Variants in TIMM9 observed in about 807,000 individuals in gnomAD.
The protein encoded by TIMM9 is mitochondrial import inner membrane translocase subunit Tim9.
TIMM9 carries 10 observed loss-of-function variants against 13.4 expected under a neutral mutation model. That is an observed-to-expected ratio of 0.75 (90% CI 0.46 to 1.26). The LOEUF is 1.26. Among genes scored for constraint, TIMM9 ranks in the 50% most tolerant of loss-of-function variants. The probability of loss-of-function intolerance (pLI) is 0.00; values close to 1 mark genes in which losing one functional copy is unlikely to be tolerated. For synonymous variants in TIMM9, 32 were observed against 32.1 expected (o/e 1.00, Z 0.01); for missense variants, 87 against 100.8 (o/e 0.86, Z 0.58).
intron 3 of TIMM9, among the ~76,000 whole-genome samples, chr14:58,415,653 C>T (rs1288630720): frequency 6.6e-6 from 1 of 152,022 alleles, no homozygotes; most frequent in Non-Finnish European, 1.5e-5. Context: ...AATTCTTCAA[C>T]CTGAATTACA....
chr14:58,410,390 C>A (rs2036177073), intron 5 of TIMM9, among the ~76,000 whole-genome samples: 1 of 151,244 alleles, frequency 6.6e-6, no homozygotes, highest in Admixed American at 6.6e-5. Context: ...TGCACTCCAG[C>A]CTGGGTAACA....
chr14:58,420,740 C>T (rs953537114), intron 3 of TIMM9, among the ~76,000 whole-genome samples: 1 of 144,590 alleles, frequency 6.9e-6, no homozygotes, highest in Non-Finnish European at 1.5e-5. Flanking sequence ...TTGCAGTGAG[C>T]CGGGATCACG....
rs573036358 is a variant in TIMM9, at chr14:58,408,905, CCAAA to C, written c.*125_*128del. 1,377 of 1,377,122 alleles carry C rather than the reference CCAAA, an allele frequency of 1.0e-3. 1 individual carries two copies. Among genetic ancestry groups the C allele is most frequent in the Non-Finnish European group, 1.3e-3 (1,320 of 1,023,798 alleles). The allele number at this position is 1,377,122 out of a possible 1,614,324, so 85.3% of individuals were successfully genotyped here. ...TTGTTTCTCCAGCGGTTTCCATTTG[CCAAA>C]CAGTCATGACAGATGGTTGAACATG... On this transcript the variant is annotated 3_prime_UTR_variant, in exon 6 of 6. Coordinates refer to ENST00000395159, the MANE Select transcript of TIMM9 (RefSeq NM_012460.4).
intron 2 of TIMM9, among the ~76,000 whole-genome samples, chr14:58,425,644 CAGATCTT>C (rs1198343846): frequency 2.0e-5 from 3 of 152,048 alleles, no homozygotes; most frequent in African/African-American, 7.2e-5. Flanking sequence ...TGCCTACACT[CAGATCTT>C]AGGTCACTGT....
rs139581360 is a variant in TIMM9 at position 58,420,308 on chromosome 14, T to C, written c.-27+3700A>G. On this transcript the variant is annotated intron_variant, in intron 3 of 5. Coordinates refer to ENST00000395159, the MANE Select transcript of TIMM9 (RefSeq NM_012460.4). ...CAGGAGGAAATATTTGCAAACTACA[T>C]AACTGACAAAGAACTAATAAGCAGA... Among the ~76,000 whole-genome samples, 523 of 152,112 alleles carry C rather than the reference T, an allele frequency of 3.4e-3. 3 individuals carry two copies. The highest frequency in any genetic ancestry group is 0.01 in the Middle Eastern group (3 of 294).
At chr14:58,425,989 C>T (rs1162782472) in intron 2 of TIMM9, among the ~76,000 whole-genome samples, 3 of 150,288 alleles carry the variant, frequency 2.0e-5, no homozygotes, top group Non-Finnish European at 3.0e-5. Flanking sequence ...TGGTGGCGGG[C>T]GCCTGTAATC....
intron 3 of TIMM9, among the ~76,000 whole-genome samples, chr14:58,412,482 C>T (rs2140316812): frequency 6.6e-6 from 1 of 152,286 alleles, no homozygotes; most frequent in African/African-American, 2.4e-5. Context: ...CTCAAAGGCC[C>T]TGTCTATCAA....
chr14:58,423,966 C>T (rs1258933437), intron 3 of TIMM9, 42 bp downstream of exon 3: 1 of 152,146 alleles, frequency 6.6e-6, no homozygotes, highest in Non-Finnish European at 1.5e-5. Flanking sequence ...AACCAGGGAA[C>T]TTAAGAATAA....
intron 3 of TIMM9, among the ~76,000 whole-genome samples, chr14:58,420,926 T>C (rs1397607382): frequency 1.3e-5 from 2 of 152,008 alleles, no homozygotes; most frequent in Non-Finnish European, 1.5e-5. Flanking sequence ...ATCACTTACA[T>C]ATTCCTGTTG....
Position 58,408,581 on chromosome 14 carries a change from G to C in TIMM9, c.*453C>G. ...GACTGCTTGGAGGATGATCCTGATTGAAAAACATTTCAACGTATCCACAGT... is the reference window on the plus strand; with the variant it reads ...GACTGCTTGGAGGATGATCCTGATTCAAAAACATTTCAACGTATCCACAGT... On this transcript the variant is annotated 3_prime_UTR_variant, in exon 6 of 6. Coordinates refer to ENST00000395159, the MANE Select transcript of TIMM9 (RefSeq NM_012460.4). 6.2e-7 allele frequency: 1 copy of C among 1,613,852 alleles called. No individual in the cohort carries two copies. Among genetic ancestry groups the C allele is most frequent in the Non-Finnish European group, 8.5e-7 (1 of 1,179,872 alleles).
rs1010906134 is a variant in TIMM9 at position 58,412,901 on chromosome 14, AAAT to A, written c.-26-933_-26-931del. On this transcript the variant is annotated intron_variant, in intron 3 of 5. Transcript: ENST00000395159. ...GGGTGACAAAGTGAGACTCCATCTC[AAAT>A]AATAATAATAATAATGATAATAAAA... is the stretch of plus-strand genomic sequence containing the variant. Among the ~76,000 whole-genome samples the A allele has an allele frequency of 1.1e-4, 17 of 151,872 alleles. No homozygotes were observed. In the East Asian group the frequency reaches 1.5e-3, roughly 14 times the overall value.
Position 58,410,823 on chromosome 14 carries a change from G to T in TIMM9, c.135+20C>A. On this transcript the variant is annotated intron_variant, in intron 5 of 5. Coordinates refer to ENST00000395159, the MANE Select transcript of TIMM9 (RefSeq NM_012460.4). ...GTTTATGAAGGCTTGTAGAATTTTA[G>T]TGAGTAACACTTTTCATACCTCTTC... 5 of 1,552,686 alleles carry T rather than the reference G, an allele frequency of 3.2e-6. No homozygotes were observed. The highest frequency in any genetic ancestry group is 2.2e-5 in the East Asian group (1 of 44,528).
intron 3 of TIMM9, among the ~76,000 whole-genome samples, chr14:58,420,552 G>A (rs189328437): frequency 5.3e-5 from 8 of 152,228 alleles, no homozygotes; most frequent in Admixed American, 3.9e-4. Flanking sequence ...CAGCACTTTC[G>A]GAGGCTGAGG....
chr14:58,410,195 C>T (rs369330748), intron 5 of TIMM9, among the ~76,000 whole-genome samples: 7 of 152,036 alleles, frequency 4.6e-5, no homozygotes, highest in East Asian at 1.9e-4. Flanking sequence ...CCTCAGCTCC[C>T]GAGTAGCTGG....
Position 58,415,442 on chromosome 14 carries a change from T to TAA in TIMM9, c.-26-3473_-26-3472dup, listed in dbSNP as rs139914804. 5.6e-4 allele frequency among the ~76,000 whole-genome samples: 85 copies of TAA among 152,264 alleles called. 2 individuals carry two copies. The East Asian group carries it at 0.016, about 29-fold the overall frequency. On this transcript the variant is annotated intron_variant, in intron 3 of 5. Coordinates refer to ENST00000395159, the MANE Select transcript of TIMM9 (RefSeq NM_012460.4). The stretch of plus-strand genomic sequence containing the variant: ...ACAAAGATTTTTAAATAGCACCTTG[T>TAA]AAATACTTCAGTGAGCAATTATGAA...
In TIMM9 at chr14:58,410,840, T is replaced by C; in HGVS notation, c.135+3A>G. 3 of 1,601,686 alleles carry C rather than the reference T, an allele frequency of 1.9e-6. No individual in the cohort carries two copies. The highest frequency in any genetic ancestry group is 2.6e-6 in the Non-Finnish European group (3 of 1,174,622). On this transcript the variant is annotated splice_donor_region_variant and intron_variant, in intron 5 of 5. Transcript: ENST00000395159. ...GAATTTTAGTGAGTAACACTTTTCA[T>C]ACCTCTTCAGGTTTTACTTCTCTTG...
intron 3 of TIMM9, among the ~76,000 whole-genome samples, chr14:58,422,381 G>A (rs1375666258): frequency 1.3e-5 from 2 of 152,154 alleles, no homozygotes; most frequent in African/African-American, 2.4e-5. Flanking sequence ...CTCCCAAAGT[G>A]CTGGGATTAC....
At chr14:58,424,240 G>A (rs1045523146) in intron 2 of TIMM9, 145 bp from the exon 3 acceptor site, 4 of 151,846 alleles carry the variant, frequency 2.6e-5, no homozygotes, top group Non-Finnish European at 4.4e-5. Flanking sequence ...TCTATTCTGA[G>A]GTTACAATTC....
chr14:58,409,632 G>A (rs948493139), intron 5 of TIMM9, among the ~76,000 whole-genome samples: 1 of 152,138 alleles, frequency 6.6e-6, no homozygotes, highest in African/African-American at 2.4e-5. Flanking sequence ...AGGCTTGAGT[G>A]CAGTGGCGTG....
Sources: allele counts gnomAD v4.1 joint callset (sites outside exome capture counted in the v4.1 genomes callset), GRCh38; gene constraint gnomAD v4.1.1; transcripts MANE v1.5; gene names NCBI Gene and HGNC (gene_info 2026-07-23, HGNC 2026-07-21).